The following GTF2E2 variants were observed in gnomAD, a reference collection of about 807,000 sequenced individuals.
The protein encoded by GTF2E2 is transcription initiation factor IIE subunit beta.
A neutral mutation model predicts 40.5 loss-of-function variants in GTF2E2; 21 were observed. The ratio of observed to expected loss-of-function variants is 0.52; its 90% CI spans 0.37 to 0.75. GTF2E2 has a LOEUF of 0.75. Ranked by LOEUF, GTF2E2 falls within the 30% of genes least tolerant of loss-of-function variation. The pLI is 0.00. For synonymous variants in GTF2E2, 117 were observed against 121.6 expected (o/e 0.96, Z 0.25); for missense variants, 298 against 338.4 (o/e 0.88, Z 0.94).
At position 30,618,653 on chromosome 8, in the gene GTF2E2, C is replaced by G. The variant is rs1340914508; in HGVS notation, c.259-3938G>C. 2.0e-5 allele frequency among the ~76,000 whole-genome samples: 3 copies of G among 152,052 alleles called. No individual in the cohort carries two copies. In the East Asian group the frequency reaches 5.8e-4, roughly 29 times the overall value. ...TTACAAATTTCTCCTTACAAAAAGG[C>G]AAAATGTTTCAAATCTGCTCAATAT... On this transcript the variant is annotated intron_variant, in intron 3 of 7. Coordinates refer to ENST00000355904, the MANE Select transcript of GTF2E2 (RefSeq NM_002095.6).
Position 30,625,814 on chromosome 8 carries a change from G to C in GTF2E2, c.258+9218C>G, listed in dbSNP as rs546704583. ...GGGTTTTGCCATGTTGGCCAGGCTG[G>C]TCTCAAACTCCTGACCTCAAGTCAC... On this transcript the variant is annotated intron_variant, in intron 3 of 7. Transcript: ENST00000355904. Among the ~76,000 whole-genome samples the C allele has an allele frequency of 1.1e-4, 16 of 152,206 alleles. 1 individual carries two copies. In the South Asian group the frequency reaches 2.9e-3, roughly 28 times the overall value.
chr8:30,612,920 C>T (rs1359332706), intron 4 of GTF2E2, among the ~76,000 whole-genome samples: 3 of 152,166 alleles, frequency 2.0e-5, no homozygotes, highest in African/African-American at 7.2e-5. Flanking sequence ...ATTAAAAGTA[C>T]CTTATGAATA....
At chr8:30,589,287 T>A (rs913724750) in intron 6 of GTF2E2, among the ~76,000 whole-genome samples, 1 of 152,188 alleles carries the variant, frequency 6.6e-6, no homozygotes, top group African/African-American at 2.4e-5. Flanking sequence ...CATGGTGCAA[T>A]GACTCACACC....
At chr8:30,651,233 G>A (rs1190958873) in intron 2 of GTF2E2, among the ~76,000 whole-genome samples, 4 of 151,670 alleles carry the variant, frequency 2.6e-5, no homozygotes, top group Non-Finnish European at 5.9e-5. Flanking sequence ...AGTTCACACC[G>A]GAAAGAAAGA....
At chr8:30,589,035 C>T (rs369005128) in intron 6 of GTF2E2, among the ~76,000 whole-genome samples, 4 of 152,122 alleles carry the variant, frequency 2.6e-5, no homozygotes, top group South Asian at 2.1e-4. Flanking sequence ...AGGCGGATCA[C>T]GAGGTCAGGA....
chr8:30,607,949 TTC>T (rs1299811803), intron 5 of GTF2E2, among the ~76,000 whole-genome samples: 9 of 152,352 alleles, frequency 5.9e-5, no homozygotes, highest in African/African-American at 2.2e-4. Flanking sequence ...TCCTTCAGTT[TTC>T]TTACTGCATT....
chr8:30,636,503 T>C (rs1801603371), intron 2 of GTF2E2, among the ~76,000 whole-genome samples: 1 of 152,214 alleles, frequency 6.6e-6, no homozygotes, highest in Non-Finnish European at 1.5e-5. Flanking sequence ...TTTTTGAGAC[T>C]AAAATGAAAC....
chr8:30,614,879 G>T (rs185576848), intron 3 of GTF2E2, among the ~76,000 whole-genome samples, 164 bp from the exon 4 acceptor site: 1 of 152,224 alleles, frequency 6.6e-6, no homozygotes, highest in Non-Finnish European at 1.5e-5. Flanking sequence ...GAATGGGGTT[G>T]AAACTCATTG....
At position 30,658,143 on chromosome 8, in the gene GTF2E2, T is replaced by TGGCGGCGGCGGCGGCGGCGGC. The variant is rs576140574; in HGVS notation, c.-176_-175insGCCGCCGCCGCCGCCGCCGCC. The TGGCGGCGGCGGCGGCGGCGGC allele has an allele frequency of 1.1e-3, 208 of 185,722 alleles. 11 individuals carry two copies. Among genetic ancestry groups the TGGCGGCGGCGGCGGCGGCGGC allele is most frequent in the African/African-American group, 4.7e-3 (192 of 41,082 alleles). 11.5% of individuals were successfully genotyped at this position (185,722 alleles called of 1,614,324 possible). A position where few individuals can be genotyped will look rare whatever the true frequency, so the allele number is the denominator to read the frequency against. Reference sequence around the variant, plus strand: ...CAGGTCGGGGTCTCACCACTGGCGGTGGCGGCGGCGGCGGCGGCAGCGGCG... The same window carrying TGGCGGCGGCGGCGGCGGCGGC: ...CAGGTCGGGGTCTCACCACTGGCGGTGGCGGCGGCGGCGGCGGCGGCGGCGGCGGCGGCGGCGGCAGCGGCG... On this transcript the variant is annotated 5_prime_UTR_variant, in exon 1 of 8. Transcript: ENST00000355904.
At chr8:30,608,851 C>T (rs990424509) in intron 5 of GTF2E2, among the ~76,000 whole-genome samples, 1 of 152,198 alleles carries the variant, frequency 6.6e-6, no homozygotes, top group South Asian at 2.1e-4. Flanking sequence ...GTGGCTCACG[C>T]CATTCTCCTG....
chr8:30,589,955 T>A (rs1828795923), intron 6 of GTF2E2, among the ~76,000 whole-genome samples: 1 of 152,208 alleles, frequency 6.6e-6, no homozygotes, highest in Non-Finnish European at 1.5e-5. Flanking sequence ...TCCTTTTATT[T>A]TACTAAGGTA....
intron 2 of GTF2E2, among the ~76,000 whole-genome samples, chr8:30,637,701 T>C (rs923885475): frequency 1.3e-5 from 2 of 152,110 alleles, no homozygotes; most frequent in African/African-American, 2.4e-5. Context: ...TTTTTGTACT[T>C]TAGTAGAGAT....
intron 2 of GTF2E2, among the ~76,000 whole-genome samples, chr8:30,651,122 C>T (rs980688185): frequency 2.6e-5 from 4 of 151,692 alleles, no homozygotes; most frequent in South Asian, 2.1e-4. Flanking sequence ...GAGTGAAAAA[C>T]CGAATGCTTT....
chr8:30,626,345 C>T (rs1801273250), intron 3 of GTF2E2, among the ~76,000 whole-genome samples: 1 of 152,068 alleles, frequency 6.6e-6, no homozygotes, highest in Non-Finnish European at 1.5e-5. Context: ...TTTAGCCGGG[C>T]GTGGTGGCAC....
At chr8:30,645,413 G>A (rs972216837) in intron 2 of GTF2E2, 3 of 1,535,644 alleles carry the variant, frequency 2.0e-6, no homozygotes, top group Non-Finnish European at 2.6e-6. Flanking sequence ...AACACTGCCT[G>A]CTTTGTCATC....
At chr8:30,637,146 A>T (rs991518393) in intron 2 of GTF2E2, 5 of 448,282 alleles carry the variant, frequency 1.1e-5, no homozygotes, top group African/African-American at 8.1e-5. Flanking sequence ...AACAGCCTTT[A>T]CACAGATTAT....
intron 6 of GTF2E2, among the ~76,000 whole-genome samples, chr8:30,588,136 T>A (rs1462549296): frequency 1.3e-5 from 2 of 152,180 alleles, no homozygotes; most frequent in African/African-American, 2.4e-5. Context: ...TGTAAATTGG[T>A]GTAGCCATTA....
chr8:30,599,002 A>T (rs558801067), intron 6 of GTF2E2, among the ~76,000 whole-genome samples: 56 of 152,326 alleles, frequency 3.7e-4, no homozygotes, highest in Middle Eastern at 3.4e-3. Context: ...TATTTATAAA[A>T]ATTAATAAAA....
At chr8:30,595,803 G>A (rs1171206887) in intron 6 of GTF2E2, among the ~76,000 whole-genome samples, 3 of 151,856 alleles carry the variant, frequency 2.0e-5, no homozygotes, top group Admixed American at 6.6e-5. Context: ...CTGCACTCTC[G>A]CCTGGGCCAC....
Sources: gnomAD v4.1 joint callset for allele counts (sites outside exome capture counted in the v4.1 genomes callset) on GRCh38, gnomAD v4.1.1 for gene constraint, MANE v1.5 for transcripts, NCBI Gene and HGNC (gene_info 2026-07-23, HGNC 2026-07-21) for gene names.